The following GPC6 variants were observed in gnomAD, a reference collection of about 807,000 sequenced individuals.
The protein encoded by GPC6 is glypican-6.
Under a neutral mutation model 55.2 loss-of-function variants are expected in GPC6, and 14 were observed. That is an observed-to-expected ratio of 0.25 (90% CI 0.17 to 0.40). The LOEUF is 0.40. Ranked by LOEUF, GPC6 falls within the 10% of genes least tolerant of loss-of-function variation. The pLI is 1.00. For missense variants in GPC6, 641 were observed against 708.5 expected (o/e 0.90, Z 1.08); for synonymous variants, 278 against 259.6 (o/e 1.07, Z -0.68).
At chr13:94,092,185 G>A (rs1232160683) in intron 4 of GPC6, among the ~76,000 whole-genome samples, 1 of 151,780 alleles carries the variant, frequency 6.6e-6, no homozygotes, top group Admixed American at 6.6e-5. Context: ...CAGATTTCAA[G>A]TATACGATAG....
chr13:93,721,634 A>G (rs1262927326), intron 2 of GPC6, among the ~76,000 whole-genome samples: 1 of 151,826 alleles, frequency 6.6e-6, no homozygotes, highest in Non-Finnish European at 1.5e-5. Flanking sequence ...CACAGTTGCA[A>G]GAAAGCCACA....
chr13:93,372,584 T>C (rs917674761), intron 1 of GPC6, among the ~76,000 whole-genome samples: 16 of 152,336 alleles, frequency 1.1e-4, no homozygotes, highest in African/African-American at 2.6e-4. Context: ...TTGTATATTC[T>C]ATTACTTTAT....
chr13:93,504,751 A>C (rs1880646784), intron 1 of GPC6, among the ~76,000 whole-genome samples: 1 of 152,202 alleles, frequency 6.6e-6, no homozygotes, highest in African/African-American at 2.4e-5. Context: ...AATTATCTAA[A>C]AAAAACAACA....
chr13:94,318,157 C>A (rs1008742854), intron 6 of GPC6, among the ~76,000 whole-genome samples: 3 of 152,098 alleles, frequency 2.0e-5, no homozygotes, highest in Admixed American at 2.0e-4. Context: ...AGTATCCTTT[C>A]CAGAACAGGC....
chr13:94,301,858 A>G (rs1233547140), intron 5 of GPC6, among the ~76,000 whole-genome samples: 1 of 152,196 alleles, frequency 6.6e-6, no homozygotes, highest in African/African-American at 2.4e-5. Flanking sequence ...CATTGAACCT[A>G]TGGCCCTATC....
chr13:93,340,657 T>C (rs527455361), intron 1 of GPC6, among the ~76,000 whole-genome samples: 2 of 152,014 alleles, frequency 1.3e-5, no homozygotes, highest in African/African-American at 2.4e-5. Flanking sequence ...TCAAGGAAGA[T>C]AGGGTCAGGT....
intron 3 of GPC6, among the ~76,000 whole-genome samples, chr13:93,842,261 G>T (rs888778697): frequency 6.6e-6 from 1 of 152,118 alleles, no homozygotes; most frequent in African/African-American, 2.4e-5. Flanking sequence ...CAGCCAAGGA[G>T]AATTCAACTG....
At chr13:93,230,695 AC>A (rs1875975131) in intron 1 of GPC6, among the ~76,000 whole-genome samples, 2 of 152,054 alleles carry the variant, frequency 1.3e-5, no homozygotes. Flanking sequence ...TAGGAGAGTT[AC>A]TCTCATCAAA....
chr13:93,688,298 G>A (rs747312402), intron 2 of GPC6, among the ~76,000 whole-genome samples: 1 of 152,020 alleles, frequency 6.6e-6, no homozygotes, highest in African/African-American at 2.4e-5. Flanking sequence ...AGAGAAGAAT[G>A]AGTAGACTTT....
At chr13:94,094,761 C>T (rs982730616) in intron 4 of GPC6, among the ~76,000 whole-genome samples, 6 of 152,090 alleles carry the variant, frequency 3.9e-5, no homozygotes, top group African/African-American at 1.4e-4. Flanking sequence ...TTACTTTTTC[C>T]TTCATTTAAT....
intron 1 of GPC6, among the ~76,000 whole-genome samples, chr13:93,408,231 A>G (rs1379476020): frequency 3.3e-5 from 5 of 152,194 alleles, no homozygotes; most frequent in Admixed American, 1.3e-4. Context: ...AAATAACTCA[A>G]TAGCCATTTC....
intron 6 of GPC6, among the ~76,000 whole-genome samples, chr13:94,362,556 T>C (rs1879106427): frequency 6.6e-6 from 1 of 152,046 alleles, no homozygotes; most frequent in Non-Finnish European, 1.5e-5. Context: ...GGGTGAAAGG[T>C]GGACAAAGAC....
At chr13:94,357,209 C>G (rs1451592861) in intron 6 of GPC6, among the ~76,000 whole-genome samples, 1 of 152,222 alleles carries the variant, frequency 6.6e-6, no homozygotes, top group African/African-American at 2.4e-5. Context: ...ACTCCTGCCT[C>G]TCCAACATAT....
At chr13:94,303,600 G>A (rs553503962) in intron 5 of GPC6, among the ~76,000 whole-genome samples, 44 of 152,204 alleles carry the variant, frequency 2.9e-4, no homozygotes, top group African/African-American at 1.0e-3. Flanking sequence ...TATGTGGCCA[G>A]GTGTTGTTTC....
intron 1 of GPC6, among the ~76,000 whole-genome samples, chr13:93,469,865 G>A (rs1879045569): frequency 6.6e-6 from 1 of 152,102 alleles, no homozygotes; most frequent in Non-Finnish European, 1.5e-5. Flanking sequence ...ACCATTTACT[G>A]AAAAGGGAAT....
In GPC6 at chr13:93,404,236, A is replaced by T. The variant is rs117370950; in HGVS notation, c.161-141027A>T. 3.6e-3 allele frequency among the ~76,000 whole-genome samples: 543 copies of T among 152,252 alleles called. 1 individual carries two copies. The highest frequency in any genetic ancestry group is 0.01 in the Middle Eastern group (3 of 294). On this transcript the variant is annotated intron_variant, in intron 1 of 8. Coordinates refer to ENST00000377047, the MANE Select transcript of GPC6 (RefSeq NM_005708.5). ...CTATAACGAAGACTGGAGTTCTGGG[A>T]TTTGATATATTTTGGGGAACAATTA...
chr13:93,982,143 G>A (rs1410451673), intron 3 of GPC6, among the ~76,000 whole-genome samples: 1 of 152,082 alleles, frequency 6.6e-6, no homozygotes, highest in Non-Finnish European at 1.5e-5. Context: ...CTTTCATCCT[G>A]TGCTGATGGG....
At chr13:94,123,016 A>T (rs960035695) in intron 4 of GPC6, among the ~76,000 whole-genome samples, 1 of 152,248 alleles carries the variant, frequency 6.6e-6, no homozygotes, top group African/African-American at 2.4e-5. Flanking sequence ...GCCCTTGCTA[A>T]TATCTTACTG....
At chr13:94,358,765 C>G (rs1878920123) in intron 6 of GPC6, among the ~76,000 whole-genome samples, 1 of 152,198 alleles carries the variant, frequency 6.6e-6, no homozygotes, top group Non-Finnish European at 1.5e-5. Flanking sequence ...CAGGGAAAAG[C>G]TCTTTTCCTT....
Sources: gnomAD v4.1 joint callset for allele counts (sites outside exome capture counted in the v4.1 genomes callset) on GRCh38, gnomAD v4.1.1 for gene constraint, MANE v1.5 for transcripts, NCBI Gene and HGNC (gene_info 2026-07-23, HGNC 2026-07-21) for gene names.